Variants in DLGAP2 observed in about 807,000 individuals in gnomAD.
DLGAP2 encodes the protein DLG associated protein 2.
DLGAP2 carries 26 observed loss-of-function variants against 100.3 expected under a neutral mutation model. That is an observed-to-expected ratio of 0.26 (90% CI 0.19 to 0.36). The LOEUF (loss-of-function observed/expected upper bound fraction) is 0.36, where lower values mean the gene tolerates loss of function less well. DLGAP2 is among the 10% of genes least tolerant of loss of function. The pLI, the probability that DLGAP2 is intolerant of heterozygous loss-of-function variation, is 1.00. For missense variants in DLGAP2, 1,858 were observed against 1,453.2 expected, an observed-to-expected ratio of 1.28 and a Z score of -4.53; for synonymous variants, 886 against 630.1, an observed-to-expected ratio of 1.41 and a Z score of -6.08.
At chr8:1,357,068 G>T (rs1585294867) in intron 3 of DLGAP2, among the ~76,000 whole-genome samples, 2 of 148,668 alleles carry the variant, frequency 1.3e-5, no homozygotes, top group East Asian at 3.9e-4. Flanking sequence ...TCTGTTTGCA[G>T]ACTTTGATCC....
chr8:1,330,996 C>T (rs374124016), intron 3 of DLGAP2, among the ~76,000 whole-genome samples: 6 of 132,554 alleles, frequency 4.5e-5, no homozygotes, highest in Non-Finnish European at 6.8e-5. Context: ...GTGGGAGCAC[C>T]GCTTCATGGG....
chr8:1,494,935 C>A (rs950826843), intron 3 of DLGAP2, among the ~76,000 whole-genome samples: 20 of 152,216 alleles, frequency 1.3e-4, no homozygotes, highest in Admixed American at 6.5e-5. Context: ...GAGATGATCA[C>A]TCCTGGCGTA....
At chr8:1,614,812 A>C (rs1797096926) in intron 6 of DLGAP2, among the ~76,000 whole-genome samples, 1 of 152,240 alleles carries the variant, frequency 6.6e-6, no homozygotes, top group African/African-American at 2.4e-5. Flanking sequence ...ACAGCCATGA[A>C]CTGTGGAGCC....
chr8:1,340,781 C>T (rs1477569196), intron 3 of DLGAP2, among the ~76,000 whole-genome samples: 2 of 152,190 alleles, frequency 1.3e-5, no homozygotes, highest in Admixed American at 1.3e-4. Context: ...CACACATGCA[C>T]ATGTGTGTTC....
At chr8:1,676,652 C>G in intron 11 of DLGAP2, 34 bp downstream of exon 11, 1 of 1,583,044 alleles carries the variant, frequency 6.3e-7, no homozygotes, top group South Asian at 1.2e-5. Context: ...CGGTGACCCC[C>G]GAGCGAGGGC....
chr8:942,940 C>G (rs576332099), intron 2 of DLGAP2, among the ~76,000 whole-genome samples: 3 of 152,302 alleles, frequency 2.0e-5, no homozygotes, highest in Admixed American at 6.5e-5. Flanking sequence ...TCCAGTGATG[C>G]GTTGCAAGGG....
chr8:852,499 T>G (rs1285769198), intron 1 of DLGAP2, among the ~76,000 whole-genome samples: 1 of 152,250 alleles, frequency 6.6e-6, no homozygotes, highest in Non-Finnish European at 1.5e-5. Flanking sequence ...ATTAGCTTGA[T>G]TTTACTCAAG....
intron 2 of DLGAP2, among the ~76,000 whole-genome samples, chr8:1,072,062 G>C (rs1311965705): frequency 6.6e-6 from 1 of 152,244 alleles, no homozygotes; most frequent in Admixed American, 6.5e-5. Flanking sequence ...GGGAGTGGAT[G>C]ATCTTTGGCT....
intron 3 of DLGAP2, among the ~76,000 whole-genome samples, chr8:1,265,867 G>A (rs1415774128): frequency 6.6e-6 from 1 of 152,172 alleles, no homozygotes; most frequent in Non-Finnish European, 1.5e-5. Flanking sequence ...TAGGGGAGGG[G>A]AGAGAAAAAG....
intron 13 of DLGAP2, among the ~76,000 whole-genome samples, chr8:1,693,217 A>C (rs1298989793): frequency 6.7e-6 from 1 of 148,486 alleles, no homozygotes; most frequent in African/African-American, 2.4e-5. Context: ...GTATGTGTGT[A>C]GGCAAATATA....
chr8:751,037 G>A (rs533841389), intron 1 of DLGAP2, among the ~76,000 whole-genome samples: 8 of 152,034 alleles, frequency 5.3e-5, no homozygotes, highest in Admixed American at 3.3e-4. Flanking sequence ...ACCCTCTCAC[G>A]GAAAGGAGCA....
chr8:1,314,067 A>G (rs756168973), intron 3 of DLGAP2, among the ~76,000 whole-genome samples: 106 of 152,332 alleles, frequency 7.0e-4, no homozygotes, highest in Non-Finnish European at 6.3e-4. Flanking sequence ...TCAGTTATCC[A>G]CTGTAAATGA....
chr8:1,557,961 G>C (rs545243267), intron 5 of DLGAP2, among the ~76,000 whole-genome samples: 2 of 152,334 alleles, frequency 1.3e-5, no homozygotes, highest in South Asian at 2.1e-4. Flanking sequence ...GCCATAACTT[G>C]TGTGTCCTTC....
intron 3 of DLGAP2, among the ~76,000 whole-genome samples, chr8:1,450,566 G>C (rs944552789): frequency 1.3e-5 from 2 of 151,956 alleles, no homozygotes; most frequent in African/African-American, 4.8e-5. Flanking sequence ...GGCAGGACTC[G>C]CCTTTCTGTG....
chr8:1,156,959 G>A (rs953387529), intron 2 of DLGAP2, among the ~76,000 whole-genome samples: 1 of 152,016 alleles, frequency 6.6e-6, no homozygotes, highest in African/African-American at 2.4e-5. Flanking sequence ...TCTTCACCGT[G>A]CTTAATTCTC....
intron 1 of DLGAP2, among the ~76,000 whole-genome samples, chr8:902,242 A>G (rs1007755683): frequency 1.3e-4 from 20 of 152,050 alleles, no homozygotes; most frequent in Non-Finnish European, 7.4e-5. Context: ...GATCATTCCT[A>G]CTGGATAGGA....
intron 2 of DLGAP2, among the ~76,000 whole-genome samples, chr8:920,573 T>A (rs184664586): frequency 6.6e-6 from 1 of 151,962 alleles, no homozygotes; most frequent in African/African-American, 2.4e-5. Context: ...CTGGGCAACA[T>A]GGTGAGACCC....
At chr8:1,304,383 C>T (rs915644719) in intron 3 of DLGAP2, among the ~76,000 whole-genome samples, 3 of 152,204 alleles carry the variant, frequency 2.0e-5, no homozygotes, top group African/African-American at 7.2e-5. Flanking sequence ...GGAGGAATTT[C>T]AAGTGCCCAG....
chr8:1,192,811 A>C (rs903914095), intron 2 of DLGAP2, among the ~76,000 whole-genome samples: 5 of 151,776 alleles, frequency 3.3e-5, no homozygotes, highest in African/African-American at 1.2e-4. Context: ...TCCTAAAGCT[A>C]TCCCTCCCCA....
Sources: allele counts gnomAD v4.1 joint callset (sites outside exome capture counted in the v4.1 genomes callset), GRCh38; gene constraint gnomAD v4.1.1; transcripts MANE v1.5; gene names NCBI Gene and HGNC (gene_info 2026-07-23, HGNC 2026-07-21).